The following ARID1B variants were observed in gnomAD, a reference collection of about 807,000 sequenced individuals.
ARID1B encodes AT-rich interactive domain-containing protein 1B.
ARID1B carries 30 observed loss-of-function variants against 212.3 expected under a neutral mutation model. That is an observed-to-expected ratio of 0.14 (90% CI 0.11 to 0.19). ARID1B has a LOEUF of 0.19. ARID1B is among the 10% of genes least tolerant of loss of function. ARID1B has a pLI of 1.00. For missense variants in ARID1B, 2,891 were observed against 3,204.0 expected, an observed-to-expected ratio of 0.90 and a Z score of 2.36; for synonymous variants, 1,402 against 1,301.7, an observed-to-expected ratio of 1.08 and a Z score of -1.66.
At chr6:156,823,400 G>A (rs1179120232) in intron 1 of ARID1B, among the ~76,000 whole-genome samples, 1 of 152,186 alleles carries the variant, frequency 6.6e-6, no homozygotes, top group Non-Finnish European at 1.5e-5. Context: ...GGTCCCTGGT[G>A]GGACAGGGCT....
At chr6:157,092,806 C>T (rs1332941110) in intron 5 of ARID1B, among the ~76,000 whole-genome samples, 1 of 152,174 alleles carries the variant, frequency 6.6e-6, no homozygotes, top group Non-Finnish European at 1.5e-5. Flanking sequence ...CCTGTGTCAC[C>T]AAGGCAATAT....
chr6:156,982,180 C>T (rs1432947556), intron 4 of ARID1B, among the ~76,000 whole-genome samples: 1 of 152,056 alleles, frequency 6.6e-6, no homozygotes, highest in African/African-American at 2.4e-5. Context: ...TTCAAAACAC[C>T]TTTACTATAT....
chr6:156,961,996 AC>A (rs1794412630), intron 4 of ARID1B, among the ~76,000 whole-genome samples: 1 of 151,906 alleles, frequency 6.6e-6, no homozygotes, highest in Non-Finnish European at 1.5e-5. Flanking sequence ...ATACACAAAT[AC>A]TCTTAAAAAT....
chr6:156,795,852 A>G (rs1212004951), intron 1 of ARID1B, among the ~76,000 whole-genome samples: 1 of 152,112 alleles, frequency 6.6e-6, no homozygotes, highest in Non-Finnish European at 1.5e-5. Context: ...TCTAATTGCC[A>G]ATAAAACTAC....
At chr6:156,854,305 C>G (rs930570035) in intron 2 of ARID1B, among the ~76,000 whole-genome samples, 1 of 152,168 alleles carries the variant, frequency 6.6e-6, no homozygotes, top group Non-Finnish European at 1.5e-5. Flanking sequence ...CTGGAATGAG[C>G]TTGAAAGGCT....
intron 1 of ARID1B, among the ~76,000 whole-genome samples, chr6:156,797,624 G>A (rs1562392297): frequency 6.6e-6 from 1 of 152,236 alleles, no homozygotes; most frequent in Non-Finnish European, 1.5e-5. Context: ...TTTTGAAGGT[G>A]TTCCTGCTTT....
rs183406313 is a variant in ARID1B at position 157,153,968 on chromosome 6, A to G, written c.3089+5017A>G. Among the ~76,000 whole-genome samples the G allele has an allele frequency of 2.6e-5, 4 of 152,236 alleles. No homozygotes were observed. The East Asian group carries it at 7.7e-4, about 29-fold the overall frequency. On this transcript the variant is annotated intron_variant, in intron 8 of 19. Transcript: ENST00000636930. ...TAACATTTTTTAAATGACTGAATCC[A>G]TTATGTTTAAAGGCTGTGCGTGCAG...
intron 3 of ARID1B, among the ~76,000 whole-genome samples, chr6:156,925,878 C>T (rs1791178965): frequency 6.6e-6 from 1 of 152,072 alleles, no homozygotes; most frequent in Non-Finnish European, 1.5e-5. Flanking sequence ...GCACCATGAG[C>T]CTGAGATAGA....
rs1351518589 is a variant in ARID1B at position 156,835,253 on chromosome 6, AAAAG to A, written c.1986+5836_1986+5839del. ...AGACTCTGTCACAAAAAAAAAAAAAAAAAGAAAATATTTTTGAAAAGATTTGTAA... is the reference window on the plus strand; with the variant it reads ...AGACTCTGTCACAAAAAAAAAAAAAAAAAATATTTTTGAAAAGATTTGTAA... On this transcript the variant is annotated intron_variant, in intron 2 of 19. Transcript: ENST00000636930. 2.2e-4 allele frequency among the ~76,000 whole-genome samples: 34 copies of A among 151,968 alleles called. No homozygotes were observed. The East Asian group carries it at 3.7e-3, about 16-fold the overall frequency.
chr6:156,886,842 A>T (rs1478204624), intron 2 of ARID1B, among the ~76,000 whole-genome samples: 1 of 152,210 alleles, frequency 6.6e-6, no homozygotes, highest in Non-Finnish European at 1.5e-5. Context: ...ATCCAGCAAT[A>T]TGTGGACTGT....
chr6:156,963,017 G>A (rs1274796694), intron 4 of ARID1B, among the ~76,000 whole-genome samples: 5 of 151,774 alleles, frequency 3.3e-5, no homozygotes, highest in Admixed American at 1.3e-4. Context: ...TCCTGACCTC[G>A]TGATCCACCC....
rs993199069 is a variant in ARID1B, at chr6:157,200,813, T to C, written c.4588T>C (p.Tyr1530His). ...CCAGCAGCAGGAGATGTACAACCAG[T>C]ATGGAGGCTCCTACTCGGGCCCGGA... The part of the protein sequence containing the change: ...SSQQQEMYNQ[Y>H]GGSYSGPDRR... The change falls in exon 18 of 20, where the codon TAT becomes CAT. Residue 1530 changes from tyrosine to histidine, a missense_variant. This residue lies in a region of ARID1B where 666 missense variants were observed against 873.5 expected (regional missense o/e 0.76). Coordinates refer to ENST00000636930, the MANE Select transcript of ARID1B (RefSeq NM_001374828.1). The surrounding 1 kb of genome is among the most constrained non-coding windows in gnomAD (Gnocchi z 4.3). The C allele has an allele frequency of 6.2e-7, 1 of 1,613,946 alleles. No homozygotes were observed. Among genetic ancestry groups the C allele is most frequent in the African/African-American group, 1.3e-5 (1 of 74,886 alleles).
chr6:156,779,136 C>A lies in ARID1B; in HGVS notation c.1456C>A (p.Gln486Lys). Reference sequence around the variant, plus strand: ...CGCCGGCTCGGCGGCGGGGGGCTTCCAGCGCTTCGCCGGCCAGAACCAGCA... The same window carrying A: ...CGCCGGCTCGGCGGCGGGGGGCTTCAAGCGCTTCGCCGGCCAGAACCAGCA... ...AAAGSAAGGFQRFAGQNQHPS... is the reference protein window; with the variant it reads ...AAAGSAAGGFKRFAGQNQHPS... Residue 486 changes from glutamine to lysine, a missense_variant, in exon 1 of 20, where the codon CAG (glutamine) becomes AAG (lysine). Physicochemically the swap from Gln to Lys is moderately conservative, Grantham distance 53. This residue lies in a region of ARID1B where 1,643 missense variants were observed against 1,544.0 expected (regional missense o/e 1.06). Transcript: ENST00000636930. 1 of 1,258,634 alleles carries A rather than the reference C, an allele frequency of 7.9e-7. No homozygotes were observed. The highest frequency in any genetic ancestry group is 4.0e-5 in the Admixed American group (1 of 24,826). 78.0% of individuals were successfully genotyped at this position (1,258,634 alleles called of 1,614,324 possible). A position where few individuals can be genotyped will look rare whatever the true frequency, so the allele number is the denominator to read the frequency against.
At chr6:157,130,085 C>G (rs1258272360) in intron 6 of ARID1B, among the ~76,000 whole-genome samples, 2 of 151,978 alleles carry the variant, frequency 1.3e-5, no homozygotes, top group Non-Finnish European at 2.9e-5. Flanking sequence ...AGGAGAATCA[C>G]TTGAGGTTGG....
chr6:156,820,572 C>T (rs1441153302), intron 1 of ARID1B, among the ~76,000 whole-genome samples: 1 of 152,020 alleles, frequency 6.6e-6, no homozygotes, highest in African/African-American at 2.4e-5. Flanking sequence ...TGTGATAAAT[C>T]CTGTGGTATC....
At chr6:156,823,688 G>GTTTTTTTTTTTTTTTTTT (rs56983474) in intron 1 of ARID1B, among the ~76,000 whole-genome samples, 1 of 118,030 alleles carries the variant, frequency 8.5e-6, no homozygotes, top group African/African-American at 3.2e-5. Context: ...TTTCTTTGTT[G>GTTTTTTTTTTTTTTTTTT]TTTTTTTTTT....
chr6:157,118,267 C>T (rs771924533), intron 6 of ARID1B, among the ~76,000 whole-genome samples: 3 of 152,110 alleles, frequency 2.0e-5, no homozygotes, highest in Non-Finnish European at 4.4e-5. Context: ...CTACGGAAAC[C>T]GTGTTGTTCT....
intron 4 of ARID1B, among the ~76,000 whole-genome samples, chr6:157,034,420 A>T (rs1257883675): frequency 1.3e-5 from 2 of 152,038 alleles, no homozygotes; most frequent in Non-Finnish European, 2.9e-5. Flanking sequence ...AATTTCCCAA[A>T]TTTTTCAGTT....
At chr6:156,784,462 T>C (rs1420768021) in intron 1 of ARID1B, among the ~76,000 whole-genome samples, 2 of 152,236 alleles carry the variant, frequency 1.3e-5, no homozygotes. Context: ...AATTCTGATC[T>C]AAAAACTTGG....
Sources: gnomAD v4.1 joint callset for allele counts (sites outside exome capture counted in the v4.1 genomes callset) on GRCh38, gnomAD v4.1.1 for gene constraint, gnomAD v4.1.1 regional missense constraint, Gnocchi (gnomAD v3.1) non-coding constraint, MANE v1.5 for transcripts, NCBI Gene and HGNC (gene_info 2026-07-23, HGNC 2026-07-21) for gene names.